Variants in LRMDA observed in about 807,000 individuals in gnomAD.
LRMDA encodes the protein leucine-rich melanocyte differentiation-associated protein.
In LRMDA, 18 loss-of-function variants were observed where a neutral mutation model predicts 29.8. The ratio of observed to expected loss-of-function variants is 0.60; its 90% CI spans 0.42 to 0.90. The LOEUF is 0.90. Among genes scored for constraint, LRMDA ranks in the 40% least tolerant of loss-of-function variants. The pLI, the probability that LRMDA is intolerant of heterozygous loss-of-function variation, is 0.00. For missense variants in LRMDA, 273 were observed against 273.9 expected, an observed-to-expected ratio of 1.00 and a Z score of 0.02; for synonymous variants, 125 against 109.4, an observed-to-expected ratio of 1.14 and a Z score of -0.89.
chr10:75,917,189 C>T (rs72811488), intron 2 of LRMDA, among the ~76,000 whole-genome samples: 2,669 of 152,304 alleles, frequency 0.018, 36 homozygotes, highest in South Asian at 0.029. Flanking sequence ...AGGTAAGTTA[C>T]AGAATAGGTA....
rs373570307 is a variant in LRMDA at position 76,390,508 on chromosome 10, A to G, written c.601+66023A>G. 6.4e-4 allele frequency among the ~76,000 whole-genome samples: 97 copies of G among 152,130 alleles called. 1 individual carries two copies. The South Asian group carries it at 0.016, about 26-fold the overall frequency. On this transcript the variant is annotated intron_variant, in intron 6 of 6. Coordinates refer to ENST00000611255, the MANE Select transcript of LRMDA (RefSeq NM_001305581.2). ...TGTTTTGCAAATTAAGCAGAACAAA[A>G]AAAAAAAAAACAAGAAAACTCAATG...
intron 6 of LRMDA, among the ~76,000 whole-genome samples, chr10:76,360,046 G>A (rs1365082579): frequency 4.6e-5 from 7 of 151,984 alleles, no homozygotes; most frequent in Non-Finnish European, 8.8e-5. Context: ...CCAGGCTGGA[G>A]TGCAATCACA....
chr10:75,490,057 G>A (rs1395099005), intron 2 of LRMDA, among the ~76,000 whole-genome samples: 1 of 152,106 alleles, frequency 6.6e-6, no homozygotes, highest in African/African-American at 2.4e-5. Flanking sequence ...TGTGGTTCAT[G>A]TCATTTGTGT....
chr10:76,396,590 G>A (rs1170755284), intron 6 of LRMDA: 1 of 152,208 alleles, frequency 6.6e-6, no homozygotes, highest in Admixed American at 6.5e-5. Context: ...AAAGGACTCA[G>A]GTGAGAGCCA....
chr10:75,877,788 C>T (rs945685520), intron 2 of LRMDA, among the ~76,000 whole-genome samples: 12 of 152,162 alleles, frequency 7.9e-5, no homozygotes, highest in South Asian at 4.1e-4. Context: ...GGACTCCTGT[C>T]CCAATTTTCC....
intron 2 of LRMDA, among the ~76,000 whole-genome samples, chr10:75,688,615 T>C (rs1413433028): frequency 6.6e-6 from 1 of 152,204 alleles, no homozygotes; most frequent in Non-Finnish European, 1.5e-5. Flanking sequence ...CAAACTTAGT[T>C]GAAAAAGCAG....
chr10:75,827,253 G>T (rs1168343721), intron 2 of LRMDA, among the ~76,000 whole-genome samples: 1 of 152,116 alleles, frequency 6.6e-6, no homozygotes, highest in Non-Finnish European at 1.5e-5. Context: ...CTGCAGCATA[G>T]GTGAGTCAGT....
In LRMDA at chr10:76,036,005, C is replaced by T. The variant is rs1331221545; in HGVS notation, c.132-3C>T. 1.9e-6 allele frequency: 3 copies of T among 1,613,112 alleles called. No homozygotes were observed. The highest frequency in any genetic ancestry group is 2.7e-5 in the African/African-American group (2 of 74,846). ...ATTTTTCCTGTTGCCTTTGTCATTG[C>T]AGGTCACTGGAAGGACTGAGCGCAT... On this transcript the variant is annotated splice_region_variant and splice_polypyrimidine_tract_variant and intron_variant, in intron 2 of 6. Transcript: ENST00000611255.
intron 2 of LRMDA, among the ~76,000 whole-genome samples, chr10:75,754,482 G>T (rs986019755): frequency 6.6e-6 from 1 of 152,168 alleles, no homozygotes. Context: ...AATTCAGTCA[G>T]TTCAAATGTT....
intron 5 of LRMDA, among the ~76,000 whole-genome samples, chr10:76,245,048 C>T (rs1564698484): frequency 6.6e-6 from 1 of 152,124 alleles, no homozygotes; most frequent in Non-Finnish European, 1.5e-5. Context: ...TCAATGGTTC[C>T]ATGAAAATTC....
At chr10:76,431,278 T>G (rs11001779) in intron 6 of LRMDA, among the ~76,000 whole-genome samples, 66,035 of 151,926 alleles carry the variant, frequency 0.43, 15,324 homozygotes, top group Middle Eastern at 0.62. Context: ...GAGAGGAGCA[T>G]GGATGCGAAC....
intron 2 of LRMDA, among the ~76,000 whole-genome samples, chr10:75,695,384 A>T (rs933154399): frequency 3.9e-5 from 6 of 151,920 alleles, no homozygotes; most frequent in African/African-American, 1.2e-4. Context: ...ATTGTAGATT[A>T]AAAAAAACTA....
intron 5 of LRMDA, among the ~76,000 whole-genome samples, chr10:76,085,958 T>A (rs1849127444): frequency 6.6e-6 from 1 of 152,254 alleles, no homozygotes; most frequent in Admixed American, 6.5e-5. Context: ...TGGGGATCAG[T>A]CACCAACTCC....
intron 2 of LRMDA, among the ~76,000 whole-genome samples, chr10:75,618,265 T>G (rs182115095): frequency 1.3e-5 from 2 of 151,576 alleles, no homozygotes; most frequent in African/African-American, 4.8e-5. Context: ...ATGGAAAAAT[T>G]TACTTCCAAC....
At chr10:76,493,247 C>A (rs1842850909) in intron 6 of LRMDA, among the ~76,000 whole-genome samples, 1 of 152,024 alleles carries the variant, frequency 6.6e-6, no homozygotes, top group South Asian at 2.1e-4. Flanking sequence ...CCTTCCCTTT[C>A]CACGGGTAGA....
intron 2 of LRMDA, among the ~76,000 whole-genome samples, chr10:75,707,481 C>T (rs1273538282): frequency 6.6e-6 from 1 of 152,150 alleles, no homozygotes; most frequent in Non-Finnish European, 1.5e-5. Flanking sequence ...CAAGGGTCCC[C>T]ATCCTCCCCA....
intron 2 of LRMDA, among the ~76,000 whole-genome samples, chr10:75,788,272 C>T (rs1305320994): frequency 2.0e-5 from 3 of 152,334 alleles, no homozygotes; most frequent in East Asian, 3.9e-4. Context: ...GGAACAGATT[C>T]AGCCTCTTGT....
chr10:76,033,899 A>T (rs1448022593), intron 2 of LRMDA, among the ~76,000 whole-genome samples: 2 of 152,084 alleles, frequency 1.3e-5, no homozygotes, highest in South Asian at 4.2e-4. Flanking sequence ...GGGTTTGTTC[A>T]TGGGCCCGTC....
At chr10:75,574,572 G>A (rs746289559) in intron 2 of LRMDA, among the ~76,000 whole-genome samples, 1 of 152,026 alleles carries the variant, frequency 6.6e-6, no homozygotes, top group Non-Finnish European at 1.5e-5. Context: ...CTGGCTCATC[G>A]AGTACCTTTC....
Sources: allele counts gnomAD v4.1 joint callset (sites outside exome capture counted in the v4.1 genomes callset), GRCh38; gene constraint gnomAD v4.1.1; transcripts MANE v1.5; gene names NCBI Gene and HGNC (gene_info 2026-07-23, HGNC 2026-07-21).